Variants in FSTL5 observed in about 807,000 individuals in gnomAD.
The protein encoded by FSTL5 is follistatin like 5, also known as follistatin-related protein 5.
In FSTL5, 62 loss-of-function variants were observed where a neutral mutation model predicts 89.1. The ratio of observed to expected loss-of-function variants is 0.70; its 90% confidence interval spans 0.57 to 0.86. FSTL5 has a LOEUF of 0.86. Among genes scored for constraint, FSTL5 ranks in the 40% least tolerant of loss-of-function variants. FSTL5 has a pLI of 0.00. For synonymous variants in FSTL5, 383 were observed against 346.2 expected, an observed-to-expected ratio of 1.11 and a Z score of -1.18; for missense variants, 1,057 against 1,001.6, an observed-to-expected ratio of 1.06 and a Z score of -0.75.
At chr4:161,737,586 A>G (rs1453166170) in intron 6 of FSTL5, among the ~76,000 whole-genome samples, 1 of 152,068 alleles carries the variant, frequency 6.6e-6, no homozygotes, top group African/African-American at 2.4e-5. Context: ...GAGCACAAGT[A>G]TGAAGTAGCT....
rs558031546 is a variant in FSTL5 at position 161,904,847 on chromosome 4, A to G, written c.409+15557T>C. 1.6e-3 allele frequency among the ~76,000 whole-genome samples: 239 copies of G among 152,048 alleles called. 1 individual carries two copies. Among genetic ancestry groups the G allele is most frequent in the Non-Finnish European group, 2.4e-3 (166 of 67,880 alleles). Reference sequence around the variant, plus strand: ...ATGAATGCCAGGCTTTTAAAAAAGTAATTGGTCTTTTGTTATAATATTTGA... The same window carrying G: ...ATGAATGCCAGGCTTTTAAAAAAGTGATTGGTCTTTTGTTATAATATTTGA... On this transcript the variant is annotated intron_variant, in intron 4 of 15. Coordinates refer to ENST00000306100, the MANE Select transcript of FSTL5 (RefSeq NM_020116.5).
intron 3 of FSTL5, among the ~76,000 whole-genome samples, chr4:162,029,146 GGAGAGAGA>G (rs5863512): frequency 1.1e-4 from 16 of 139,294 alleles, no homozygotes; most frequent in Non-Finnish European, 2.0e-4. Flanking sequence ...TGTACATGAG[GGAGAGAGA>G]GAGAGAGAGA....
At chr4:161,801,157 A>T (rs1189633198) in intron 4 of FSTL5, among the ~76,000 whole-genome samples, 2 of 151,632 alleles carry the variant, frequency 1.3e-5, no homozygotes, top group East Asian at 3.9e-4. Context: ...TGTTGCAAAC[A>T]TCTTAATGTT....
chr4:162,049,190 T>C (rs1237028151), intron 2 of FSTL5, among the ~76,000 whole-genome samples: 4 of 152,124 alleles, frequency 2.6e-5, no homozygotes, highest in African/African-American at 9.7e-5. Flanking sequence ...GTAGTGCAGG[T>C]AGCCAATGGG....
chr4:162,049,697 G>A (rs1738318626), intron 2 of FSTL5, among the ~76,000 whole-genome samples: 1 of 152,056 alleles, frequency 6.6e-6, no homozygotes, highest in African/African-American at 2.4e-5. Flanking sequence ...TGTGAAACTT[G>A]ACCTTGCAGA....
chr4:161,642,568 A>C (rs538233292), intron 7 of FSTL5, among the ~76,000 whole-genome samples: 1 of 152,294 alleles, frequency 6.6e-6, no homozygotes, highest in Admixed American at 6.5e-5. Flanking sequence ...TAAATTTAAA[A>C]AGGTTACGAT....
At position 161,524,323 on chromosome 4, in the gene FSTL5, T is replaced by C. The variant is rs546752476; in HGVS notation, c.1312+13843A>G. Reference sequence around the variant, plus strand: ...AAATCAATGTATTTCCTGAATGTGTTTGATTGATGTCTCATGCCTCCCTAG... The same window carrying C: ...AAATCAATGTATTTCCTGAATGTGTCTGATTGATGTCTCATGCCTCCCTAG... On this transcript the variant is annotated intron_variant, in intron 10 of 15. Coordinates refer to ENST00000306100, the MANE Select transcript of FSTL5 (RefSeq NM_020116.5). Among the ~76,000 whole-genome samples, 5 of 152,280 alleles carry C rather than the reference T, an allele frequency of 3.3e-5. No individual in the cohort carries two copies. In the South Asian group the frequency reaches 1.0e-3, roughly 32 times the overall value.
chr4:161,892,372 A>G (rs1733015266), intron 4 of FSTL5, among the ~76,000 whole-genome samples: 1 of 152,062 alleles, frequency 6.6e-6, no homozygotes, highest in South Asian at 2.1e-4. Context: ...TTTACCAAAT[A>G]CACTATATTT....
At chr4:161,798,285 A>G (rs962371178) in intron 4 of FSTL5, among the ~76,000 whole-genome samples, 12 of 151,596 alleles carry the variant, frequency 7.9e-5, no homozygotes, top group Non-Finnish European at 1.5e-4. Flanking sequence ...TACAAATTCT[A>G]TTACAGCCCC....
intron 4 of FSTL5, among the ~76,000 whole-genome samples, chr4:161,895,532 G>T (rs1733128963): frequency 1.3e-5 from 2 of 152,066 alleles, no homozygotes; most frequent in African/African-American, 4.8e-5. Context: ...AGATTTTTTG[G>T]AGTTAGGTTC....
chr4:161,626,071 C>A (rs2126650972), intron 7 of FSTL5, among the ~76,000 whole-genome samples: 1 of 152,204 alleles, frequency 6.6e-6, no homozygotes, highest in Admixed American at 6.5e-5. Flanking sequence ...TGTAAAAGTG[C>A]ATGGTGACAC....
intron 15 of FSTL5, among the ~76,000 whole-genome samples, chr4:161,430,643 G>A (rs1732326635): frequency 6.6e-6 from 1 of 152,222 alleles, no homozygotes; most frequent in Admixed American, 6.5e-5. Context: ...GGGAAGCTGA[G>A]GCAGGAGAAT....
intron 1 of FSTL5, among the ~76,000 whole-genome samples, chr4:162,150,796 T>G (rs1462611244): frequency 6.6e-6 from 1 of 152,164 alleles, no homozygotes; most frequent in African/African-American, 2.4e-5. Context: ...ACCAAGTAAT[T>G]CAACTTCTGG....
At chr4:161,716,416 G>A (rs1738984684) in intron 6 of FSTL5, among the ~76,000 whole-genome samples, 1 of 152,004 alleles carries the variant, frequency 6.6e-6, no homozygotes, top group African/African-American at 2.4e-5. Flanking sequence ...GGCCAACATG[G>A]CAAAACCCTG....
chr4:162,075,875 A>G (rs1453954672), intron 2 of FSTL5, among the ~76,000 whole-genome samples: 1 of 151,890 alleles, frequency 6.6e-6, no homozygotes, highest in Non-Finnish European at 1.5e-5. Flanking sequence ...AGATCATCCC[A>G]GCTTCAGAAG....
intron 4 of FSTL5, among the ~76,000 whole-genome samples, chr4:161,912,218 T>A (rs997790635): frequency 6.6e-5 from 10 of 152,172 alleles, no homozygotes; most frequent in Admixed American, 6.5e-4. Context: ...CTTTTCAATA[T>A]TTTGTAAGTT....
intron 2 of FSTL5, among the ~76,000 whole-genome samples, chr4:162,040,856 A>G (rs1215790036): frequency 1.3e-5 from 2 of 152,006 alleles, no homozygotes; most frequent in Non-Finnish European, 2.9e-5. Flanking sequence ...ACTACTTCTA[A>G]GAATAATATA....
At chr4:161,825,223 G>T (rs887892833) in intron 4 of FSTL5, among the ~76,000 whole-genome samples, 5 of 152,244 alleles carry the variant, frequency 3.3e-5, no homozygotes, top group Admixed American at 1.3e-4. Context: ...AACCATCCCT[G>T]CATTCCTGGT....
intron 2 of FSTL5, among the ~76,000 whole-genome samples, chr4:162,106,518 A>T (rs1731232708): frequency 6.6e-6 from 1 of 152,206 alleles, no homozygotes; most frequent in Non-Finnish European, 1.5e-5. Flanking sequence ...TGAACTATTA[A>T]TACATACATA....
Sources: gnomAD v4.1 joint callset for allele counts (sites outside exome capture counted in the v4.1 genomes callset) on GRCh38, gnomAD v4.1.1 for gene constraint, MANE v1.5 for transcripts, NCBI Gene and HGNC (gene_info 2026-07-23, HGNC 2026-07-21) for gene names.